The following CA10 variants were observed in gnomAD, a reference collection of about 807,000 sequenced individuals.
CA10 encodes carbonic anhydrase 10 (inactive), also known as carbonic anhydrase-related protein 10.
CA10 carries 14 observed loss-of-function variants against 44.2 expected under a neutral mutation model. The ratio of observed to expected loss-of-function variants is 0.32; its 90% CI spans 0.21 to 0.50. CA10 has a LOEUF of 0.50. Ranked by LOEUF, CA10 falls within the 20% of genes least tolerant of loss-of-function variation. The probability of loss-of-function intolerance (pLI) is 0.99; values close to 1 mark genes in which losing one functional copy is unlikely to be tolerated. For missense variants in CA10, 350 were observed against 409.7 expected, an observed-to-expected ratio of 0.85 and a Z score of 1.26; for synonymous variants, 159 against 141.6, an observed-to-expected ratio of 1.12 and a Z score of -0.87.
intron 2 of CA10, among the ~76,000 whole-genome samples, chr17:52,065,137 T>G (rs1279024407): frequency 6.6e-6 from 1 of 152,238 alleles, no homozygotes; most frequent in Non-Finnish European, 1.5e-5. Context: ...TTGAGGCTCA[T>G]GCTTCTGCCT....
At chr17:51,770,867 T>C (rs1185687915) in intron 3 of CA10, among the ~76,000 whole-genome samples, 1 of 151,946 alleles carries the variant, frequency 6.6e-6, no homozygotes, top group African/African-American at 2.4e-5. Context: ...GGCTCACGCC[T>C]GTATTCACAG....
chr17:51,966,234 C>T (rs1984076688), intron 2 of CA10, among the ~76,000 whole-genome samples: 1 of 151,896 alleles, frequency 6.6e-6, no homozygotes, highest in Non-Finnish European at 1.5e-5. Context: ...GAAGAACATT[C>T]CATACTCACA....
rs551973081 is a variant in CA10 at position 52,076,553 on chromosome 17, A to G, written c.62-4160T>C. 2.6e-5 allele frequency among the ~76,000 whole-genome samples: 4 copies of G among 152,360 alleles called. No homozygotes were observed. The East Asian group carries it at 5.8e-4, about 22-fold the overall frequency. Reference sequence around the variant, plus strand: ...AGAGCCCATTTGATGTCTATCAATTACAAAATTTAATGGCTGCAGACTAGA... The same window carrying G: ...AGAGCCCATTTGATGTCTATCAATTGCAAAATTTAATGGCTGCAGACTAGA... On this transcript the variant is annotated intron_variant, in intron 1 of 8. Transcript: ENST00000451037.
At chr17:52,095,747 T>C in intron 1 of CA10, among the ~76,000 whole-genome samples, 1 of 152,154 alleles carries the variant, frequency 6.6e-6, no homozygotes, top group East Asian at 1.9e-4. Context: ...GGTTTTGGTA[T>C]ATTTACTTTC....
At chr17:52,024,416 T>C (rs1986236422) in intron 2 of CA10, among the ~76,000 whole-genome samples, 1 of 151,910 alleles carries the variant, frequency 6.6e-6, no homozygotes, top group South Asian at 2.1e-4. Context: ...TAGTCACCAG[T>C]TGCCCTAAGT....
chr17:52,026,231 A>G (rs1986296824), intron 2 of CA10, among the ~76,000 whole-genome samples: 1 of 152,122 alleles, frequency 6.6e-6, no homozygotes, highest in Non-Finnish European at 1.5e-5. Context: ...CATGCAGCTG[A>G]GGATTCTTCA....
At chr17:51,670,951 G>T (rs1051001579) in intron 4 of CA10, among the ~76,000 whole-genome samples, 3 of 149,872 alleles carry the variant, frequency 2.0e-5, no homozygotes, top group Admixed American at 6.6e-5. Context: ...TCTAATAGAC[G>T]GAAGTGCTCT....
chr17:51,957,698 G>A (rs1983717994), intron 2 of CA10, among the ~76,000 whole-genome samples: 1 of 152,062 alleles, frequency 6.6e-6, no homozygotes, highest in African/African-American at 2.4e-5. Context: ...CTTAGTTCAA[G>A]AGAATAAAAA....
At chr17:51,889,915 C>A (rs1285342075) in intron 3 of CA10, among the ~76,000 whole-genome samples, 1 of 152,184 alleles carries the variant, frequency 6.6e-6, no homozygotes, top group Non-Finnish European at 1.5e-5. Flanking sequence ...GACTTTCTGA[C>A]CTCAATCCCT....
chr17:52,017,677 A>C (rs190648912), intron 2 of CA10, among the ~76,000 whole-genome samples: 1 of 152,246 alleles, frequency 6.6e-6, no homozygotes, highest in Admixed American at 6.5e-5. Flanking sequence ...AATCTGGAAA[A>C]TTTACAGCCT....
rs570620071 is a variant in CA10, at chr17:52,069,278, T to C, written c.136+3041A>G. Reference sequence around the variant, plus strand: ...CCATCACAATGTCTAAACCAATTACTGAGAAGAAAGAGACCAGAATCACCA... The same window carrying C: ...CCATCACAATGTCTAAACCAATTACCGAGAAGAAAGAGACCAGAATCACCA... On this transcript the variant is annotated intron_variant, in intron 2 of 8. Transcript: ENST00000451037. 6.2e-4 allele frequency among the ~76,000 whole-genome samples: 94 copies of C among 152,256 alleles called. 1 individual carries two copies. The South Asian group carries it at 7.9e-3, about 13-fold the overall frequency.
At chr17:51,641,531 G>C (rs1478656018) in intron 6 of CA10, among the ~76,000 whole-genome samples, 2 of 152,164 alleles carry the variant, frequency 1.3e-5, no homozygotes, top group Non-Finnish European at 2.9e-5. Context: ...CTTGGATCTT[G>C]AATAATCAAT....
At chr17:51,667,524 G>C (rs1365611660) in intron 4 of CA10, among the ~76,000 whole-genome samples, 1 of 150,996 alleles carries the variant, frequency 6.6e-6, no homozygotes, top group African/African-American at 2.4e-5. Context: ...TAAATTGGAA[G>C]AATGATTGAT....
intron 3 of CA10, among the ~76,000 whole-genome samples, chr17:51,837,959 C>T (rs1288505482): frequency 1.3e-5 from 2 of 152,162 alleles, no homozygotes; most frequent in Non-Finnish European, 2.9e-5. Flanking sequence ...ACTCTGAAAT[C>T]CTTACAGTGA....
At chr17:51,653,833 T>A in intron 4 of CA10, 97 bp from the exon 5 acceptor site, 1 of 714,740 alleles carries the variant, frequency 1.4e-6, no homozygotes, top group South Asian at 1.5e-5. Context: ...CTGCAAAGTA[T>A]ATTGAGGAAC....
intron 2 of CA10, among the ~76,000 whole-genome samples, chr17:51,993,342 T>C (rs987718279): frequency 6.6e-6 from 1 of 152,168 alleles, no homozygotes; most frequent in Non-Finnish European, 1.5e-5. Context: ...TAACATCTAC[T>C]GTTGTCTCTG....
rs897022628 is a variant in CA10, at chr17:51,739,313, C to T, written c.465+8320G>A. Reference sequence around the variant, plus strand: ...GCAGTGTCACTGGTTACTAAATAAACGAAGGCCTCATTCAACACTTGTAAA... The same window carrying T: ...GCAGTGTCACTGGTTACTAAATAAATGAAGGCCTCATTCAACACTTGTAAA... On this transcript the variant is annotated intron_variant, in intron 4 of 8. Coordinates refer to ENST00000451037, the MANE Select transcript of CA10 (RefSeq NM_020178.5). 4.6e-5 allele frequency among the ~76,000 whole-genome samples: 7 copies of T among 152,170 alleles called. No individual in the cohort carries two copies. In the South Asian group the frequency reaches 6.2e-4, roughly 14 times the overall value.
intron 3 of CA10, among the ~76,000 whole-genome samples, chr17:51,800,134 T>C (rs1906868375): frequency 6.6e-6 from 1 of 152,192 alleles, no homozygotes. Context: ...AAATAAAATG[T>C]AGTAGACTCA....
intron 2 of CA10, among the ~76,000 whole-genome samples, chr17:51,931,712 C>T (rs1408854003): frequency 6.6e-6 from 1 of 152,086 alleles, no homozygotes; most frequent in Non-Finnish European, 1.5e-5. Context: ...TGTCATTAAC[C>T]TAATGTACTT....
Sources: allele counts gnomAD v4.1 joint callset (sites outside exome capture counted in the v4.1 genomes callset), GRCh38; gene constraint gnomAD v4.1.1; transcripts MANE v1.5; gene names NCBI Gene and HGNC (gene_info 2026-07-23, HGNC 2026-07-21).